The following ZBTB5 variants were observed in gnomAD, a reference collection of about 807,000 sequenced individuals.
ZBTB5 encodes zinc finger and BTB domain containing 5.
In ZBTB5, 15 loss-of-function variants were observed where a neutral mutation model predicts 37.9. The ratio of observed to expected loss-of-function variants is 0.40; its 90% confidence interval spans 0.26 to 0.61. The LOEUF (loss-of-function observed/expected upper bound fraction) is 0.61. Among genes scored for constraint, ZBTB5 ranks in the 20% least tolerant of loss-of-function variants. ZBTB5 has a pLI of 0.47. For missense variants in ZBTB5, 708 were observed against 856.8 expected, an observed-to-expected ratio of 0.83 and a Z score of 2.17; for synonymous variants, 315 against 312.4, an observed-to-expected ratio of 1.01 and a Z score of -0.09.
intron 1 of ZBTB5, among the ~76,000 whole-genome samples, chr9:37,463,194 G>A (rs1824325112): frequency 6.6e-6 from 1 of 152,170 alleles, no homozygotes; most frequent in South Asian, 2.1e-4. Flanking sequence ...TATGCAAAGA[G>A]CAATAGTTCA....
intron 1 of ZBTB5, among the ~76,000 whole-genome samples, chr9:37,446,776 C>T (rs76754507): frequency 6.6e-6 from 1 of 152,184 alleles, no homozygotes; most frequent in East Asian, 1.9e-4. Flanking sequence ...AATTACTGCT[C>T]ATTAAGTCTA....
At chr9:37,454,912 A>G (rs1269938898) in intron 1 of ZBTB5, among the ~76,000 whole-genome samples, 1 of 152,226 alleles carries the variant, frequency 6.6e-6, no homozygotes, top group Non-Finnish European at 1.5e-5. Flanking sequence ...CAATCTAGAT[A>G]AAACCCTAGC....
intron 1 of ZBTB5, among the ~76,000 whole-genome samples, chr9:37,461,116 C>A (rs1741440958): frequency 1.3e-5 from 2 of 152,130 alleles, no homozygotes. Context: ...TGCTTTTGAT[C>A]ATCTATTCAA....
In ZBTB5 at chr9:37,441,180, G is replaced by A. The variant is rs751082863; in HGVS notation, c.1372C>T (p.Pro458Ser). Residue 458 changes from proline (P) to serine (S), a missense_variant, in exon 2 of 2, where the codon CCC becomes TCC. Around this residue, in one of 3 missense-constraint regions of ZBTB5, gnomAD observed 639 missense variants for 690.5 expected, o/e 0.93. Coordinates refer to ENST00000307750, the MANE Select transcript of ZBTB5 (RefSeq NM_014872.3). Reference sequence around the variant, plus strand: ...ACATGGGAGCCAGGGGCAGAGGAGGGCCCACCTGCAGGCCCAGCCTCTGGA... The same window carrying A: ...ACATGGGAGCCAGGGGCAGAGGAGGACCCACCTGCAGGCCCAGCCTCTGGA... ...LSPEAGPAGG[P>S]SSAPGSHVEN... The A allele has an allele frequency of 5.0e-6, 8 of 1,613,990 alleles. No homozygotes were observed. In the South Asian group the frequency reaches 5.5e-5, roughly 11 times the overall value.
chr9:37,440,101 G>A lies in ZBTB5; in HGVS notation c.*417C>T, dbSNP rs1383573402. Reference sequence around the variant, plus strand: ...TAAGACAGGCACCAAATCACCACTGGTTACACATAAGTGCATTTTGCATCA... The same window carrying A: ...TAAGACAGGCACCAAATCACCACTGATTACACATAAGTGCATTTTGCATCA... On this transcript the variant is annotated 3_prime_UTR_variant, in exon 2 of 2. Transcript: ENST00000307750. 1.1e-5 allele frequency: 2 copies of A among 181,870 alleles called. No individual in the cohort carries two copies. The highest frequency in any genetic ancestry group is 2.3e-5 in the Non-Finnish European group (2 of 85,570). The allele number at this position is 181,870 out of a possible 1,614,324, so 11.3% of individuals were successfully genotyped here.
chr9:37,463,861 AAG>A (rs1057229096), intron 1 of ZBTB5, among the ~76,000 whole-genome samples: 7 of 152,198 alleles, frequency 4.6e-5, no homozygotes, highest in African/African-American at 1.7e-4. Context: ...TCTTCAAAAA[AAG>A]AGTCTGTTTA....
chr9:37,444,827 C>T (rs1350706854), intron 1 of ZBTB5, among the ~76,000 whole-genome samples: 1 of 152,016 alleles, frequency 6.6e-6, no homozygotes, highest in Admixed American at 6.6e-5. Flanking sequence ...AACAGGAGAC[C>T]CACCAGAGAA....
chr9:37,448,706 T>TC (rs1411821958), intron 1 of ZBTB5, among the ~76,000 whole-genome samples: 2 of 152,150 alleles, frequency 1.3e-5, no homozygotes, highest in African/African-American at 2.4e-5. Context: ...CTAAAGAAAT[T>TC]AAAACAGAAA....
At chr9:37,462,198 G>T (rs1328566110) in intron 1 of ZBTB5, among the ~76,000 whole-genome samples, 1 of 152,106 alleles carries the variant, frequency 6.6e-6, no homozygotes, top group Non-Finnish European at 1.5e-5. Context: ...ATTATTTCAT[G>T]TAACACTAGG....
intron 1 of ZBTB5, among the ~76,000 whole-genome samples, chr9:37,453,229 A>G (rs1425768485): frequency 6.6e-6 from 1 of 152,090 alleles, no homozygotes. Context: ...TTGCTCTGTC[A>G]TCCAGGCTGG....
At chr9:37,460,718 T>C (rs1824278113) in intron 1 of ZBTB5, among the ~76,000 whole-genome samples, 2 of 151,620 alleles carry the variant, frequency 1.3e-5, no homozygotes, top group South Asian at 2.1e-4. Flanking sequence ...AATACAAAAA[T>C]TAGCTGGGCG....
In ZBTB5 at chr9:37,465,405, C is replaced by T. The variant is rs1461654365; in HGVS notation, c.-195G>A. The T allele has an allele frequency of 6.6e-6, 1 of 151,454 alleles. No individual in the cohort carries two copies. Among genetic ancestry groups the T allele is most frequent in the Non-Finnish European group, 1.5e-5 (1 of 67,892 alleles). 9.4% of individuals were successfully genotyped at this position (151,454 alleles called of 1,614,324 possible). On this transcript the variant is annotated 5_prime_UTR_variant, in exon 1 of 2. Transcript: ENST00000307750. Reference sequence around the variant, plus strand: ...AGCTCCTCCAGCCAGTTCGCCGCAGCACTCTGAGAACACGGCGGCGGCGCC... The same window carrying T: ...AGCTCCTCCAGCCAGTTCGCCGCAGTACTCTGAGAACACGGCGGCGGCGCC...
Position 37,440,914 on chromosome 9 carries a change from A to G in ZBTB5, c.1638T>C (p.Thr546=). The change falls in exon 2 of 2, where the codon ACT becomes ACC. Residue 546 remains threonine, a synonymous_variant. Transcript: ENST00000307750. ...RRIAPKMPVV[T]SVRSSQIPEN... is the part of the protein sequence containing the mutation. ...CTGGGATCTGTGAGCTCCTGACGGAAGTTACAACTGGCATTTTGGGAGCTA... is the reference window on the plus strand; with the variant it reads ...CTGGGATCTGTGAGCTCCTGACGGAGGTTACAACTGGCATTTTGGGAGCTA... 1 of 1,614,204 alleles carries G rather than the reference A, an allele frequency of 6.2e-7. No homozygotes were observed. The highest frequency in any genetic ancestry group is 8.5e-7 in the Non-Finnish European group (1 of 1,180,030).
At chr9:37,464,055 T>C (rs1409443435) in intron 1 of ZBTB5, among the ~76,000 whole-genome samples, 2 of 152,192 alleles carry the variant, frequency 1.3e-5, no homozygotes, top group South Asian at 2.1e-4. Flanking sequence ...TTCCTTGTCT[T>C]CTTCCCATCT....
chr9:37,441,788 T>C lies in ZBTB5; in HGVS notation c.764A>G (p.Asp255Gly). ...AGACTGATCAAACATGATCGCACTA[T>C]CTTCCTGGTTATCAGTCATTCCATC... is the stretch of plus-strand genomic sequence containing the variant. Reference protein sequence around the residue: ...KADGMTDNQEDSAIMFDQSFG... With the variant: ...KADGMTDNQEGSAIMFDQSFG... Residue 255 changes from aspartate (D) to glycine (G), a missense_variant, in exon 2 of 2, where the codon GAT (aspartate) becomes GGT (glycine). By Grantham distance (94) the Asp-to-Gly change is moderately conservative. This residue lies in a region of ZBTB5 where 639 missense variants were observed against 690.5 expected (regional missense o/e 0.93). Transcript: ENST00000307750. 1 of 1,614,042 alleles carries C rather than the reference T, an allele frequency of 6.2e-7. No homozygotes were observed. The highest frequency in any genetic ancestry group is 1.7e-5 in the Admixed American group (1 of 60,004).
chr9:37,441,168 G>A lies in ZBTB5; in HGVS notation c.1384C>T (p.Pro462Ser), dbSNP rs899731328. 2.5e-6 allele frequency: 4 copies of A among 1,613,836 alleles called. No individual in the cohort carries two copies. Among genetic ancestry groups the A allele is most frequent in the Admixed American group, 1.7e-5 (1 of 59,970 alleles). Residue 462 changes from proline to serine, a missense_variant, in exon 2 of 2, where the codon CCT (proline) becomes TCT (serine). By Grantham distance (74) the Pro-to-Ser change is moderately conservative. Transcript: ENST00000307750. ...AGPAGGPSSA[P>S]GSHVENPFSE... ...AATGGGTTCTCTACATGGGAGCCAG[G>A]GGCAGAGGAGGGCCCACCTGCAGGC...
chr9:37,444,019 G>C (rs915142320), intron 1 of ZBTB5, among the ~76,000 whole-genome samples: 1 of 152,182 alleles, frequency 6.6e-6, no homozygotes, highest in African/African-American at 2.4e-5. Flanking sequence ...GGAAGTCAAG[G>C]CTTCTGTGAA....
chr9:37,440,893 G>T lies in ZBTB5; in HGVS notation c.1659C>A (p.Ile553=), dbSNP rs962848461. 14 of 1,614,064 alleles carry T rather than the reference G, an allele frequency of 8.7e-6. No individual in the cohort carries two copies. Among genetic ancestry groups the T allele is most frequent in the Non-Finnish European group, 9.3e-6 (11 of 1,180,052 alleles). ...GCTGAGAACTGGTAGAGTTTTCTGGGATCTGTGAGCTCCTGACGGAAGTTA... is the reference window on the plus strand; with the variant it reads ...GCTGAGAACTGGTAGAGTTTTCTGGTATCTGTGAGCTCCTGACGGAAGTTA... ...PVVTSVRSSQ[I]PENSTSSQLM... is the part of the protein sequence containing the mutation. The change falls in exon 2 of 2, where the codon ATC becomes ATA. Residue 553 remains isoleucine (I), a synonymous_variant. Coordinates refer to ENST00000307750, the MANE Select transcript of ZBTB5 (RefSeq NM_014872.3).
chr9:37,456,812 T>C (rs1341927001), intron 1 of ZBTB5, among the ~76,000 whole-genome samples: 2 of 152,256 alleles, frequency 1.3e-5, no homozygotes, highest in Non-Finnish European at 1.5e-5. Flanking sequence ...ACTTTTGCTA[T>C]ATATGGATGA....
Sources: gnomAD v4.1 joint callset for allele counts (sites outside exome capture counted in the v4.1 genomes callset) on GRCh38, gnomAD v4.1.1 for gene constraint, gnomAD v4.1.1 regional missense constraint, MANE v1.5 for transcripts, NCBI Gene and HGNC (gene_info 2026-07-23, HGNC 2026-07-21) for gene names.